LMBR1L: variants seen among roughly 807,000 people sequenced by gnomAD.
LMBR1L encodes the protein protein LMBR1L.
Under a neutral mutation model 67.3 loss-of-function variants are expected in LMBR1L, and 47 were observed. The ratio of observed to expected loss-of-function variants is 0.70; its 90% CI spans 0.55 to 0.89. The LOEUF (loss-of-function observed/expected upper bound fraction) is 0.89, where lower values mean the gene tolerates loss of function less well. LMBR1L is among the 40% of genes least tolerant of loss of function. LMBR1L has a pLI of 0.00. For missense variants in LMBR1L, 533 were observed against 599.2 expected (o/e 0.89, Z 1.15); for synonymous variants, 247 against 250.3 (o/e 0.99, Z 0.13).
chr12:49,105,053 C>T, intron 3 of LMBR1L, 168 bp from the exon 4 acceptor site: 1 of 693,142 alleles, frequency 1.4e-6, no homozygotes, highest in Non-Finnish European at 2.4e-6. Context: ...GCCACCCCAC[C>T]CTAGCTCTTT....
rs536108891 is a variant in LMBR1L at position 49,109,947 on chromosome 12, C to T, written c.72+537G>A. 5.6e-3 allele frequency: 2,407 copies of T among 430,828 alleles called. 61 individuals carry two copies. Among genetic ancestry groups the T allele is most frequent in the South Asian group, 0.038 (2,347 of 61,822 alleles). 26.7% of individuals were successfully genotyped at this position (430,828 alleles called of 1,614,324 possible). A position where few individuals can be genotyped will look rare whatever the true frequency, so the allele number is the denominator to read the frequency against. The stretch of plus-strand genomic sequence containing the variant: ...GACGGGGGAATACTTGGTTGTTCCT[C>T]ATCTCTACATATTAGGATCCACCCC... On this transcript the variant is annotated intron_variant, in intron 1 of 16. Transcript: ENST00000267102.
Position 49,102,546 on chromosome 12 carries a change from G to T in LMBR1L, c.697-6C>A. 6.2e-7 allele frequency: 1 copy of T among 1,613,840 alleles called. No homozygotes were observed. Among genetic ancestry groups the T allele is most frequent in the Non-Finnish European group, 8.5e-7 (1 of 1,179,918 alleles). ...TCCTCCAGGTCTTCCAGCAGCTAGGGGCAGGGGAAAGGAAGAGACTAACTG... is the reference window on the plus strand; with the variant it reads ...TCCTCCAGGTCTTCCAGCAGCTAGGTGCAGGGGAAAGGAAGAGACTAACTG... On this transcript the variant is annotated splice_region_variant and splice_polypyrimidine_tract_variant and intron_variant, in intron 8 of 16. Transcript: ENST00000267102.
Position 49,101,329 on chromosome 12 carries a change from G to T in LMBR1L, c.1009-6C>A, listed in dbSNP as rs368083296. On this transcript the variant is annotated splice_polypyrimidine_tract_variant and splice_region_variant and intron_variant, in intron 12 of 16. Coordinates refer to ENST00000267102, the MANE Select transcript of LMBR1L (RefSeq NM_018113.4). ...ACCTGGCCTAAGGAGGTACCCTGAGGAGTGGGGCAGTATCACTGTGAGCAT... is the reference window on the plus strand; with the variant it reads ...ACCTGGCCTAAGGAGGTACCCTGAGTAGTGGGGCAGTATCACTGTGAGCAT... 82 of 1,613,860 alleles carry T rather than the reference G, an allele frequency of 5.1e-5. No homozygotes were observed. The highest frequency in any genetic ancestry group is 1.3e-5 in the African/African-American group (1 of 74,914).
At chr12:49,101,017 C>A (rs1478070789) in intron 13 of LMBR1L, 3 of 896,054 alleles carry the variant, frequency 3.3e-6, no homozygotes, top group Non-Finnish European at 4.8e-6. Context: ...GTGTGAGCCA[C>A]TGCACCTGGC....
chr12:49,103,927 A>G, intron 5 of LMBR1L, 114 bp from the exon 6 acceptor site: 4 of 1,178,394 alleles, frequency 3.4e-6, no homozygotes, highest in Non-Finnish European at 4.8e-6. Flanking sequence ...GGTAAGAGAG[A>G]GGGTTTTCCT....
At chr12:49,105,579 C>A (rs2121018301) in intron 3 of LMBR1L, among the ~76,000 whole-genome samples, 1 of 152,298 alleles carries the variant, frequency 6.6e-6, no homozygotes, top group South Asian at 2.1e-4. Context: ...TCCCACCTTC[C>A]CCACACCCTG....
At chr12:49,103,902 G>T in intron 5 of LMBR1L, 89 bp from the exon 6 acceptor site, 1 of 1,418,210 alleles carries the variant, frequency 7.1e-7, no homozygotes, top group Non-Finnish European at 9.6e-7. Flanking sequence ...GAACCAGAAA[G>T]GTTTGGATTC....
At position 49,102,905 on chromosome 12, in the gene LMBR1L, C is replaced by A. The variant is rs149391283; in HGVS notation, c.678G>T (p.Lys226Asn). 3 of 1,614,158 alleles carry A rather than the reference C, an allele frequency of 1.9e-6. No homozygotes were observed. The highest frequency in any genetic ancestry group is 1.7e-6 in the Non-Finnish European group (2 of 1,180,002). ...GLARMFSVTGKLLVKPRLLED... is the reference protein window; with the variant it reads ...GLARMFSVTGNLLVKPRLLED... Reference sequence around the variant, plus strand: ...CACATACCCGGGGCTTGACTAGCAGCTTCCCAGTGACGGAGAACATGCGGG... The same window carrying A: ...CACATACCCGGGGCTTGACTAGCAGATTCCCAGTGACGGAGAACATGCGGG... Residue 226 changes from lysine to asparagine, a missense_variant, in exon 8 of 17, where the codon AAG becomes AAT. Around this residue, in one of 3 missense-constraint regions of LMBR1L, gnomAD observed 64 missense variants for 109.0 expected, o/e 0.59. Coordinates refer to ENST00000267102, the MANE Select transcript of LMBR1L (RefSeq NM_018113.4).
In LMBR1L at chr12:49,106,860, C is replaced by T. The variant is rs1940974479; in HGVS notation, c.157+101G>A. ...AGGCAAAGGCTCCAGAACAGCCCCA[C>T]ACAGCCACTGCTCCTTTCCCAGTGG... On this transcript the variant is annotated intron_variant, in intron 2 of 16. Transcript: ENST00000267102. 8 of 1,036,554 alleles carry T rather than the reference C, an allele frequency of 7.7e-6. No homozygotes were observed. The South Asian group carries it at 7.8e-5, about 10-fold the overall frequency. The allele number at this position is 1,036,554 out of a possible 1,614,324, so 64.2% of individuals were successfully genotyped here. A position where few individuals can be genotyped will look rare whatever the true frequency, so the allele number is the denominator to read the frequency against.
At chr12:49,103,424 C>G (rs1940476085) in intron 6 of LMBR1L, among the ~76,000 whole-genome samples, 1 of 152,178 alleles carries the variant, frequency 6.6e-6, no homozygotes, top group South Asian at 2.1e-4. Context: ...CCTTGTCAAA[C>G]AAAGTTAGAT....
chr12:49,106,806 C>A (rs1940969038), intron 2 of LMBR1L, 155 bp downstream of exon 2: 1 of 840,832 alleles, frequency 1.2e-6, no homozygotes, highest in East Asian at 2.5e-5. Flanking sequence ...GCCGCCCTTG[C>A]CCCTATCTTG....
rs1309612900 is a variant in LMBR1L at position 49,098,056 on chromosome 12, C to T, written c.1290G>A (p.Leu430=). Residue 430 remains leucine (L), a synonymous_variant, in exon 16 of 17, where the codon CTG becomes CTA. Coordinates refer to ENST00000267102, the MANE Select transcript of LMBR1L (RefSeq NM_018113.4). The stretch of plus-strand genomic sequence containing the variant: ...AGAGGAACACAATGTAGAAATTGCC[C>T]AGCCAGTTGAAGCGTCCAAAGTCAC... The part of the protein sequence containing the change: ...LLGDFGRFNW[L]GNFYIVFLYN... The T allele has an allele frequency of 6.8e-6, 11 of 1,614,006 alleles. No homozygotes were observed. Among genetic ancestry groups the T allele is most frequent in the Non-Finnish European group, 9.3e-6 (11 of 1,180,022 alleles).
Position 49,100,132 on chromosome 12 carries a change from G to C in LMBR1L, c.1240+256C>G, listed in dbSNP as rs2916116. 1.3e-5 allele frequency among the ~76,000 whole-genome samples: 2 copies of C among 152,194 alleles called. 1 individual carries two copies. The highest frequency in any genetic ancestry group is 1.3e-4 in the Admixed American group (2 of 15,280). On this transcript the variant is annotated intron_variant, in intron 15 of 16. Coordinates refer to ENST00000267102, the MANE Select transcript of LMBR1L (RefSeq NM_018113.4). ...TCACCCAGGAGAAAGATTTAGAAAA[G>C]TGTGCTCCCTGACCAAAAAGTAGAA...
chr12:49,104,636 T>G, intron 4 of LMBR1L, 85 bp from the exon 5 acceptor site: 1 of 1,565,028 alleles, frequency 6.4e-7, no homozygotes, highest in East Asian at 2.2e-5. Context: ...AGAAGCAGAG[T>G]GGGAAGGTGC....
At chr12:49,105,248 A>G (rs1167199440) in intron 3 of LMBR1L, 2 of 260,936 alleles carry the variant, frequency 7.7e-6, no homozygotes, top group African/African-American at 4.3e-5. Context: ...GGTCAGGGAT[A>G]TGGATTTCTG....
At chr12:49,099,662 A>G (rs1592199261) in intron 15 of LMBR1L, among the ~76,000 whole-genome samples, 2 of 151,796 alleles carry the variant, frequency 1.3e-5, no homozygotes, top group East Asian at 3.9e-4. Flanking sequence ...GCTCACCGCA[A>G]CCTTTGCCTC....
In LMBR1L at chr12:49,101,471, C is replaced by T. The variant is rs749722261; in HGVS notation, c.1008+1G>A. 32 of 1,613,692 alleles carry T rather than the reference C, an allele frequency of 2.0e-5. No homozygotes were observed. The highest frequency in any genetic ancestry group is 3.3e-5 in the Admixed American group (2 of 59,984). ...GATATGGTGGGAGGGCAGCCTGGTACCTGCATGCCTCGGGGCATGGCAGCC... is the reference window on the plus strand; with the variant it reads ...GATATGGTGGGAGGGCAGCCTGGTATCTGCATGCCTCGGGGCATGGCAGCC... On this transcript the variant is annotated splice_donor_variant, in intron 12 of 16. Transcript: ENST00000267102. LOFTEE classifies it high-confidence loss of function.
chr12:49,102,070 G>C, intron 11 of LMBR1L, 50 bp downstream of exon 11: 1 of 1,506,532 alleles, frequency 6.6e-7, no homozygotes, highest in Non-Finnish European at 9.2e-7. Context: ...CCCTGAGAAG[G>C]CCTCAAGTAC....
At chr12:49,106,692 T>C (rs1259809264) in intron 2 of LMBR1L, 3 of 1,153,204 alleles carry the variant, frequency 2.6e-6, no homozygotes, top group South Asian at 1.3e-5. Flanking sequence ...ACCATCTCCT[T>C]TGGTCCACAC....
Sources: gnomAD v4.1 joint callset for allele counts (sites outside exome capture counted in the v4.1 genomes callset) on GRCh38, gnomAD v4.1.1 for gene constraint, gnomAD v4.1.1 regional missense constraint, MANE v1.5 for transcripts, NCBI Gene and HGNC (gene_info 2026-07-23, HGNC 2026-07-21) for gene names.